Variants in BNC2 observed in about 807,000 individuals in gnomAD.
BNC2 encodes zinc finger protein basonuclin-2.
A neutral mutation model predicts 76.3 loss-of-function variants in BNC2; 20 were observed. The ratio of observed to expected loss-of-function variants is 0.26; its 90% confidence interval spans 0.18 to 0.38. The LOEUF (loss-of-function observed/expected upper bound fraction) is 0.38, where lower values mean the gene tolerates loss of function less well. BNC2 is among the 10% of genes least tolerant of loss of function. The pLI is 1.00. For missense variants in BNC2, 1,382 were observed against 1,399.8 expected (o/e 0.99, Z 0.20); for synonymous variants, 582 against 514.8 (o/e 1.13, Z -1.77).
chr9:16,820,158 G>A (rs1021492588), intron 1 of BNC2, among the ~76,000 whole-genome samples: 10 of 147,688 alleles, frequency 6.8e-5, no homozygotes, highest in African/African-American at 2.3e-4. Context: ...GGGCGTGGTC[G>A]CTCACATCTG....
intron 5 of BNC2, among the ~76,000 whole-genome samples, chr9:16,540,675 T>C (rs1818291701): frequency 6.6e-6 from 1 of 152,226 alleles, no homozygotes; most frequent in Non-Finnish European, 1.5e-5. Context: ...ATTTATGTGA[T>C]TTTAAAGGAG....
At chr9:16,602,560 C>A (rs771378835) in intron 3 of BNC2, among the ~76,000 whole-genome samples, 1 of 152,190 alleles carries the variant, frequency 6.6e-6, no homozygotes, top group South Asian at 2.1e-4. Flanking sequence ...GTGCCACATA[C>A]CCCCTCAGTG....
At chr9:16,531,483 T>G (rs1817974639) in intron 5 of BNC2, among the ~76,000 whole-genome samples, 1 of 151,726 alleles carries the variant, frequency 6.6e-6, no homozygotes, top group Non-Finnish European at 1.5e-5. Flanking sequence ...CTAGAGACAC[T>G]GGTCTGTGAA....
At chr9:16,807,820 T>C (rs1817949098) in intron 1 of BNC2, among the ~76,000 whole-genome samples, 2 of 152,190 alleles carry the variant, frequency 1.3e-5, no homozygotes, top group Admixed American at 1.3e-4. Context: ...CTAGAATGCC[T>C]TTTTTCTCAC....
At chr9:16,780,041 C>T (rs558848802) in intron 1 of BNC2, among the ~76,000 whole-genome samples, 108 of 150,202 alleles carry the variant, frequency 7.2e-4, no homozygotes, top group Non-Finnish European at 1.3e-3. Context: ...TCGAGACCAT[C>T]CTGGCTAACA....
At chr9:16,854,948 C>G (rs1311520803) in intron 1 of BNC2, among the ~76,000 whole-genome samples, 1 of 151,910 alleles carries the variant, frequency 6.6e-6, no homozygotes, top group African/African-American at 2.4e-5. Context: ...GACCCTCAGG[C>G]CCCCATCCCA....
chr9:16,866,170 TG>T (rs1819538736), intron 1 of BNC2, among the ~76,000 whole-genome samples: 1 of 152,164 alleles, frequency 6.6e-6, no homozygotes, highest in African/African-American at 2.4e-5. Context: ...CAAATGTTAA[TG>T]GAAAGTGGTA....
At chr9:16,469,144 A>G (rs758634999) in intron 5 of BNC2, among the ~76,000 whole-genome samples, 14 of 152,188 alleles carry the variant, frequency 9.2e-5, no homozygotes, top group Non-Finnish European at 1.6e-4. Flanking sequence ...ATTTTAGTTT[A>G]TAAGGAGTAA....
At chr9:16,429,011 C>G (rs1022344308) in intron 6 of BNC2, among the ~76,000 whole-genome samples, 1 of 152,184 alleles carries the variant, frequency 6.6e-6, no homozygotes, top group African/African-American at 2.4e-5. Context: ...TCTTGGCACT[C>G]AAGAATCAAA....
At chr9:16,478,101 C>T (rs1214682118) in intron 5 of BNC2, among the ~76,000 whole-genome samples, 4 of 152,136 alleles carry the variant, frequency 2.6e-5, no homozygotes, top group African/African-American at 4.8e-5. Flanking sequence ...TTTCATGGCT[C>T]GAACTGTTCT....
intron 3 of BNC2, among the ~76,000 whole-genome samples, chr9:16,722,571 T>C (rs1344406498): frequency 6.6e-6 from 1 of 152,168 alleles, no homozygotes; most frequent in Non-Finnish European, 1.5e-5. Flanking sequence ...GCTTTACAAA[T>C]TACACAAACA....
intron 1 of BNC2, among the ~76,000 whole-genome samples, chr9:16,787,652 A>G (rs890468073): frequency 6.6e-6 from 1 of 152,154 alleles, no homozygotes; most frequent in Non-Finnish European, 1.5e-5. Flanking sequence ...TCACCTAAAG[A>G]GGGTAACTAC....
At chr9:16,523,481 A>T (rs9775578) in intron 5 of BNC2, among the ~76,000 whole-genome samples, 1 of 120,986 alleles carries the variant, frequency 8.3e-6, no homozygotes, top group African/African-American at 5.6e-5. Flanking sequence ...AAAACAAAAA[A>T]AAAAAACAAA....
At chr9:16,842,965 T>C (rs116475218) in intron 1 of BNC2, among the ~76,000 whole-genome samples, 2,500 of 152,284 alleles carry the variant, frequency 0.016, 65 homozygotes, top group African/African-American at 0.057. Flanking sequence ...TTGGCCAGGC[T>C]GGAGTCAAAC....
At chr9:16,780,876 T>C (rs1459955635) in intron 1 of BNC2, among the ~76,000 whole-genome samples, 2 of 152,072 alleles carry the variant, frequency 1.3e-5, no homozygotes, top group Non-Finnish European at 2.9e-5. Flanking sequence ...AAGAAACAAG[T>C]CCAGTTTTCT....
chr9:16,513,963 C>T (rs374814143), intron 5 of BNC2, among the ~76,000 whole-genome samples: 9 of 152,118 alleles, frequency 5.9e-5, no homozygotes, highest in African/African-American at 2.2e-4. Flanking sequence ...TCCGTGAAGG[C>T]CCAAAACTAA....
intron 4 of BNC2, among the ~76,000 whole-genome samples, chr9:16,554,264 T>A (rs917201581): frequency 6.6e-6 from 1 of 152,286 alleles, no homozygotes; most frequent in East Asian, 1.9e-4. Context: ...GCACACAGAT[T>A]TTTTAGTATT....
At chr9:16,586,814 G>C (rs575520191) in intron 3 of BNC2, among the ~76,000 whole-genome samples, 1 of 152,130 alleles carries the variant, frequency 6.6e-6, no homozygotes, top group Non-Finnish European at 1.5e-5. Context: ...TTGGGGTTTG[G>C]GGGCAGTGAG....
chr9:16,739,426 T>C (rs1468829626), intron 1 of BNC2, among the ~76,000 whole-genome samples: 1 of 152,106 alleles, frequency 6.6e-6, no homozygotes, highest in Non-Finnish European at 1.5e-5. Context: ...CCCAAAACTG[T>C]GGAAAGCCGA....
Sources: gnomAD v4.1 joint callset for allele counts (sites outside exome capture counted in the v4.1 genomes callset) on GRCh38, gnomAD v4.1.1 for gene constraint, MANE v1.5 for transcripts, NCBI Gene and HGNC (gene_info 2026-07-23, HGNC 2026-07-21) for gene names.